The following DENND3 variants were observed in gnomAD, a reference collection of about 807,000 sequenced individuals.
DENND3 encodes the protein DENN domain-containing protein 3.
DENND3 carries 88 observed loss-of-function variants against 135.1 expected under a neutral mutation model. The ratio of observed to expected loss-of-function variants is 0.65; its 90% CI spans 0.55 to 0.78. DENND3 has a LOEUF of 0.78. Among genes scored for constraint, DENND3 ranks in the 30% least tolerant of loss-of-function variants. DENND3 has a pLI of 0.00. For synonymous variants in DENND3, 693 were observed against 712.3 expected (o/e 0.97, Z 0.43); for missense variants, 1,392 against 1,688.4 (o/e 0.82, Z 3.08).
At chr8:141,157,607 C>T (rs1819603903) in intron 8 of DENND3, 1 of 985,818 alleles carries the variant, frequency 1.0e-6, no homozygotes, top group Non-Finnish European at 1.2e-6. Flanking sequence ...CTTCTCTTCG[C>T]CTTCCTTTGT....
chr8:141,147,114 C>T (rs1294843725), intron 5 of DENND3, among the ~76,000 whole-genome samples: 3 of 152,212 alleles, frequency 2.0e-5, no homozygotes, highest in Non-Finnish European at 4.4e-5. Flanking sequence ...GCCTGCTCTT[C>T]CCTCACCCAT....
intron 16 of DENND3, among the ~76,000 whole-genome samples, chr8:141,179,725 C>G (rs1019707174): frequency 3.9e-5 from 6 of 152,254 alleles, no homozygotes; most frequent in Non-Finnish European, 7.3e-5. Flanking sequence ...TGGTCGACCC[C>G]TTGCTGACAG....
At chr8:141,140,022 C>T (rs1460631100) in intron 3 of DENND3, among the ~76,000 whole-genome samples, 1 of 152,148 alleles carries the variant, frequency 6.6e-6, no homozygotes, top group Non-Finnish European at 1.5e-5. Context: ...AGTGATTCTC[C>T]CACCTCAGCC....
intron 20 of DENND3, 86 bp downstream of exon 20, chr8:141,190,503 C>G: frequency 1.4e-6 from 2 of 1,456,684 alleles, no homozygotes; most frequent in Non-Finnish European, 1.8e-6. Flanking sequence ...AAGCCTCTTT[C>G]CTTTGCTTCA....
intron 13 of DENND3, among the ~76,000 whole-genome samples, chr8:141,172,523 C>T (rs1226275965): frequency 6.6e-6 from 1 of 152,176 alleles, no homozygotes; most frequent in East Asian, 1.9e-4. Flanking sequence ...GCCAAGCCCC[C>T]CAGTAACTGC....
At chr8:141,176,485 C>A in intron 14 of DENND3, 106 bp from the exon 15 acceptor site, 1 of 1,385,304 alleles carries the variant, frequency 7.2e-7, no homozygotes, top group Non-Finnish European at 1.0e-6. Context: ...TGCGTGCCTG[C>A]AGCCCATCTG....
chr8:141,135,072 G>C (rs986156974), intron 1 of DENND3, among the ~76,000 whole-genome samples: 5 of 151,992 alleles, frequency 3.3e-5, no homozygotes, highest in African/African-American at 1.2e-4. Context: ...ATCTGACCTC[G>C]TGATCTGCCC....
intron 4 of DENND3, chr8:141,142,653 C>A: frequency 3.6e-6 from 1 of 280,652 alleles, no homozygotes; most frequent in Non-Finnish European, 7.1e-6. Flanking sequence ...TGAGCACATG[C>A]ATGTTTGTTG....
chr8:141,158,380 A>T (rs1411486627), intron 8 of DENND3: 15 of 1,147,576 alleles, frequency 1.3e-5, no homozygotes, highest in Admixed American at 4.0e-5. Flanking sequence ...GAGCATTCCC[A>T]GGAAGGTAGG....
At chr8:141,140,621 ATATCT>A (rs1275275928) in intron 3 of DENND3, among the ~76,000 whole-genome samples, 1 of 152,220 alleles carries the variant, frequency 6.6e-6, no homozygotes, top group African/African-American at 2.4e-5. Context: ...CTTTACCTGG[ATATCT>A]TATAAGTACC....
At chr8:141,142,293 A>G (rs1336841911) in intron 4 of DENND3, 2 of 443,272 alleles carry the variant, frequency 4.5e-6, no homozygotes, top group Non-Finnish European at 9.0e-6. Context: ...TATTTGTTTG[A>G]TTAAAGGCCG....
Position 141,192,947 on chromosome 8 carries a change from C to A in DENND3, c.3636+284C>A, listed in dbSNP as rs533155619. The stretch of plus-strand genomic sequence containing the variant: ...TCTCACAGTTCTCGACGCTGGAGGT[C>A]CAAAACCAAGGTGTCGGCAGAGCCG... On this transcript the variant is annotated intron_variant, in intron 22 of 22. Coordinates refer to ENST00000519811, the MANE Select transcript of DENND3 (RefSeq NM_001352890.3). 3.0e-6 allele frequency: 4 copies of A among 1,341,076 alleles called. No homozygotes were observed. In the South Asian group the frequency reaches 5.7e-5, roughly 19 times the overall value. 83.1% of individuals were successfully genotyped at this position (1,341,076 alleles called of 1,614,324 possible).
At chr8:141,133,281 G>A (rs924788942) in intron 1 of DENND3, among the ~76,000 whole-genome samples, 4 of 151,548 alleles carry the variant, frequency 2.6e-5, no homozygotes, top group African/African-American at 9.8e-5. Flanking sequence ...CTGGCTTAGG[G>A]AGCGAGCTGG....
chr8:141,159,450 T>C (rs1241175881), intron 8 of DENND3, among the ~76,000 whole-genome samples: 4 of 152,236 alleles, frequency 2.6e-5, no homozygotes, highest in South Asian at 2.1e-4. Context: ...GGTCGTCTCC[T>C]GGGAGAACTC....
intron 5 of DENND3, among the ~76,000 whole-genome samples, chr8:141,148,539 G>C (rs551301084): frequency 6.6e-6 from 1 of 152,214 alleles, no homozygotes; most frequent in Admixed American, 6.5e-5. Flanking sequence ...ATGTTGCTTT[G>C]TATGTGACAC....
rs956998130 is a variant in DENND3 at position 141,138,679 on chromosome 8, C to T, written c.501+542C>T. On this transcript the variant is annotated intron_variant, in intron 3 of 22. Transcript: ENST00000519811. This position sits in a 1 kb window ranked among gnomAD's most constrained non-coding sequence, Gnocchi z 4.8. ...GGGATTACAGGTGTGAGCGCTGCGC[C>T]CGGCCGGCTAATCCCCTTTCTGTCT... Among the ~76,000 whole-genome samples the T allele has an allele frequency of 3.3e-5, 5 of 152,154 alleles. No individual in the cohort carries two copies. Among genetic ancestry groups the T allele is most frequent in the African/African-American group, 1.2e-4 (5 of 41,434 alleles).
chr8:141,165,148 C>T (rs199519174), intron 10 of DENND3, 38 bp from the exon 11 acceptor site: 256 of 1,553,886 alleles, frequency 1.6e-4, no homozygotes, highest in Non-Finnish European at 2.2e-4. Context: ...CCTGGGGAGT[C>T]GGCACAGCCC....
chr8:141,161,317 C>T (rs1232789217), intron 9 of DENND3, among the ~76,000 whole-genome samples: 1 of 152,206 alleles, frequency 6.6e-6, no homozygotes, highest in Non-Finnish European at 1.5e-5. Flanking sequence ...ATGGGAGAGC[C>T]ACAGGACGGG....
chr8:141,153,586 G>A (rs1312535864), intron 7 of DENND3, among the ~76,000 whole-genome samples: 3 of 152,224 alleles, frequency 2.0e-5, no homozygotes, highest in Admixed American at 6.5e-5. Flanking sequence ...GGCTGGGCCC[G>A]GCCAGGGTCC....
Sources: gnomAD v4.1 joint callset for allele counts (sites outside exome capture counted in the v4.1 genomes callset) on GRCh38, gnomAD v4.1.1 for gene constraint, Gnocchi (gnomAD v3.1) non-coding constraint, MANE v1.5 for transcripts, NCBI Gene and HGNC (gene_info 2026-07-23, HGNC 2026-07-21) for gene names.